The following PTPN3 variants were observed in gnomAD, a reference collection of about 807,000 sequenced individuals.
PTPN3 encodes tyrosine-protein phosphatase non-receptor type 3.
PTPN3 carries 96 observed loss-of-function variants against 132.7 expected under a neutral mutation model. That is an observed-to-expected ratio of 0.72 (90% confidence interval 0.61 to 0.86). The LOEUF is 0.86. Ranked by LOEUF, PTPN3 falls within the 40% of genes least tolerant of loss-of-function variation. The pLI is 0.00. For synonymous variants in PTPN3, 398 were observed against 429.0 expected, an observed-to-expected ratio of 0.93 and a Z score of 0.89; for missense variants, 1,125 against 1,159.6, an observed-to-expected ratio of 0.97 and a Z score of 0.43.
At chr9:109,453,032 G>C (rs1845356185) in intron 5 of PTPN3, among the ~76,000 whole-genome samples, 1 of 152,172 alleles carries the variant, frequency 6.6e-6, no homozygotes, top group African/African-American at 2.4e-5. Flanking sequence ...CTGGTATGGG[G>C]AAAACTCAGA....
At chr9:109,451,506 G>T in intron 5 of PTPN3, 1 of 713,462 alleles carries the variant, frequency 1.4e-6, no homozygotes, top group Non-Finnish European at 1.7e-6. Flanking sequence ...TCCACCCACT[G>T]GCCACAATTC....
In PTPN3 at chr9:109,379,595, C is replaced by G. The variant is rs751396665; in HGVS notation, c.2703G>C (p.Val901=). 2 of 1,614,160 alleles carry G rather than the reference C, an allele frequency of 1.2e-6. No individual in the cohort carries two copies. The highest frequency in any genetic ancestry group is 1.7e-6 in the Non-Finnish European group (2 of 1,180,010). Residue 901 remains valine (V), a synonymous_variant, in exon 26 of 26, where the codon GTG becomes GTC. Coordinates refer to ENST00000374541, the MANE Select transcript of PTPN3 (RefSeq NM_002829.4). ...GCATTTGGACTAAACCTTCTTCATACACACGAAGAATCGCTTCACACACAA... is the reference window on the plus strand; with the variant it reads ...GCATTTGGACTAAACCTTCTTCATAGACACGAAGAATCGCTTCACACACAA... ...YKFVCEAILR[V]YEEGLVQMLD... is the part of the protein sequence containing the mutation.
At chr9:109,416,241 G>A (rs771576986) in intron 14 of PTPN3, among the ~76,000 whole-genome samples, 6 of 152,130 alleles carry the variant, frequency 3.9e-5, no homozygotes, top group Admixed American at 1.3e-4. Flanking sequence ...CTGGGTCAGC[G>A]TCAAGGAGGC....
intron 1 of PTPN3, among the ~76,000 whole-genome samples, chr9:109,486,394 G>A (rs1445495189): frequency 3.3e-5 from 5 of 152,174 alleles, no homozygotes. Flanking sequence ...ATTTGTGACA[G>A]TAAGCAAAAG....
intron 1 of PTPN3, among the ~76,000 whole-genome samples, chr9:109,468,762 A>C (rs1051748102): frequency 3.9e-5 from 6 of 152,268 alleles, no homozygotes; most frequent in South Asian, 2.1e-4. Context: ...AGACCATGAG[A>C]GTTAGAGTTG....
intron 5 of PTPN3, among the ~76,000 whole-genome samples, chr9:109,452,569 CT>C (rs927089533): frequency 6.8e-4 from 98 of 143,900 alleles, no homozygotes; most frequent in Middle Eastern, 7.2e-3. Context: ...TCAACAGAGC[CT>C]TTTTTTTTTT....
At chr9:109,410,127 T>C in intron 15 of PTPN3, 51 bp from the exon 16 acceptor site, 1 of 1,613,708 alleles carries the variant, frequency 6.2e-7, no homozygotes, top group Non-Finnish European at 8.5e-7. Flanking sequence ...TCTCCAGCAG[T>C]TGGTGATAAG....
At chr9:109,427,631 T>C (rs1311522153) in intron 11 of PTPN3, among the ~76,000 whole-genome samples, 1 of 152,198 alleles carries the variant, frequency 6.6e-6, no homozygotes, top group Non-Finnish European at 1.5e-5. Context: ...CTGCATGAGT[T>C]TAGGTTTTCT....
intron 22 of PTPN3, among the ~76,000 whole-genome samples, chr9:109,385,975 C>T (rs980562207): frequency 1.3e-5 from 2 of 152,206 alleles, no homozygotes; most frequent in Admixed American, 6.5e-5. Context: ...AAACAAGCCA[C>T]AAGCTGGGTG....
At chr9:109,474,015 G>A (rs574860457) in intron 1 of PTPN3, among the ~76,000 whole-genome samples, 18 of 151,816 alleles carry the variant, frequency 1.2e-4, no homozygotes, top group African/African-American at 3.9e-4. Flanking sequence ...GTTGCTTCTC[G>A]GTACCCATGT....
chr9:109,465,261 G>C (rs1846039709), intron 1 of PTPN3, among the ~76,000 whole-genome samples: 2 of 152,206 alleles, frequency 1.3e-5, no homozygotes, highest in Admixed American at 6.5e-5. Flanking sequence ...ACGTAGGTGG[G>C]AGGATCTAGG....
In PTPN3 at chr9:109,410,323, G is replaced by A. The variant is rs987070083; in HGVS notation, c.1406C>T (p.Ser469Leu). 3 of 1,614,194 alleles carry A rather than the reference G, an allele frequency of 1.9e-6. No homozygotes were observed. The highest frequency in any genetic ancestry group is 2.5e-6 in the Non-Finnish European group (3 of 1,180,032). Residue 469 changes from serine (S) to leucine (L), a missense_variant, in exon 15 of 26, where the codon TCA (serine) becomes TTA (leucine). Transcript: ENST00000374541. ...SPSSNAPGSC[S>L]PDGVDQQLLD... ...GAGCTGCTGATCAACGCCGTCAGGT[G>A]AGCAGGAGCCTGGAGCATTTGAAGA... is the stretch of plus-strand genomic sequence containing the variant.
At chr9:109,507,412 G>A in the PTPN3 span, among the ~76,000 whole-genome samples, 1 of 152,194 alleles carries the variant, frequency 6.6e-6, no homozygotes, top group African/African-American at 2.4e-5. Context: ...CCTGTCCTGG[G>A]CCCAGGAGAA....
intron 13 of PTPN3, among the ~76,000 whole-genome samples, chr9:109,421,516 C>T (rs1842891234): frequency 6.6e-6 from 1 of 152,168 alleles, no homozygotes; most frequent in African/African-American, 2.4e-5. Flanking sequence ...CTATAAATAG[C>T]CACAGGAGCT....
At chr9:109,480,096 A>G (rs576653753) in intron 1 of PTPN3, among the ~76,000 whole-genome samples, 2 of 152,096 alleles carry the variant, frequency 1.3e-5, no homozygotes, top group Non-Finnish European at 2.9e-5. Context: ...GCATCTTTTC[A>G]TGTGTTTACT....
chr9:109,531,471 G>T, the PTPN3 span, among the ~76,000 whole-genome samples: 1 of 152,198 alleles, frequency 6.6e-6, no homozygotes, highest in Admixed American at 6.5e-5. Flanking sequence ...GAATCAGTTG[G>T]TTCTTGCTCA....
At chr9:109,496,911 G>A (rs1017977369) in intron 1 of PTPN3, among the ~76,000 whole-genome samples, 4 of 152,100 alleles carry the variant, frequency 2.6e-5, no homozygotes, top group African/African-American at 9.7e-5. Context: ...CTAAATAATC[G>A]CTTAAAGTTG....
chr9:109,416,948 T>A (rs180781926), intron 14 of PTPN3, among the ~76,000 whole-genome samples: 2 of 152,332 alleles, frequency 1.3e-5, no homozygotes, highest in Admixed American at 1.3e-4. Flanking sequence ...TCTAAACTGC[T>A]CTACAATGTG....
In PTPN3 at chr9:109,408,306, A is replaced by C. The variant is rs1841733161; in HGVS notation, c.1635+15T>G. 1.3e-6 allele frequency: 2 copies of C among 1,535,102 alleles called. No individual in the cohort carries two copies. The highest frequency in any genetic ancestry group is 1.8e-6 in the Non-Finnish European group (2 of 1,129,996). On this transcript the variant is annotated intron_variant, in intron 17 of 25. Transcript: ENST00000374541. Reference sequence around the variant, plus strand: ...CAAACAAACACGAGGAATAACATGGAATGTATTTACTTACAGGTGACTCTG... The same window carrying C: ...CAAACAAACACGAGGAATAACATGGCATGTATTTACTTACAGGTGACTCTG...
Sources: allele counts gnomAD v4.1 joint callset (sites outside exome capture counted in the v4.1 genomes callset), GRCh38; gene constraint gnomAD v4.1.1; transcripts MANE v1.5; gene names NCBI Gene and HGNC (gene_info 2026-07-23, HGNC 2026-07-21).